The following PDZRN3 variants were observed in gnomAD, a reference collection of about 807,000 sequenced individuals.
The protein encoded by PDZRN3 is E3 ubiquitin-protein ligase PDZRN3.
A neutral mutation model predicts 85.7 loss-of-function variants in PDZRN3; 38 were observed. The observed-to-expected ratio is 0.44, with a 90% CI of 0.34 to 0.58. The LOEUF is 0.58. Ranked by LOEUF, PDZRN3 falls within the 20% of genes least tolerant of loss-of-function variation. The pLI, the probability that PDZRN3 is intolerant of heterozygous loss-of-function variation, is 0.01. For synonymous variants in PDZRN3, 759 were observed against 638.0 expected, an observed-to-expected ratio of 1.19 and a Z score of -2.86; for missense variants, 1,629 against 1,506.4, an observed-to-expected ratio of 1.08 and a Z score of -1.35.
chr3:73,584,483 GT>G (rs1702250184), intron 3 of PDZRN3, among the ~76,000 whole-genome samples: 1 of 143,568 alleles, frequency 7.0e-6, no homozygotes, highest in African/African-American at 2.7e-5. Flanking sequence ...GTGTGTGTGT[GT>G]GTGTGTGTGT....
intron 2 of PDZRN3, among the ~76,000 whole-genome samples, chr3:73,607,189 C>CATTG (rs1702614073): frequency 6.6e-6 from 1 of 152,212 alleles, no homozygotes. Flanking sequence ...TAACACAATG[C>CATTG]ATTGGAATGG....
intron 3 of PDZRN3, among the ~76,000 whole-genome samples, chr3:73,589,917 A>G (rs1702329389): frequency 6.6e-6 from 1 of 152,158 alleles, no homozygotes; most frequent in African/African-American, 2.4e-5. Flanking sequence ...AGTCATATAT[A>G]TTCATATATA....
intron 3 of PDZRN3, among the ~76,000 whole-genome samples, chr3:73,544,545 C>T (rs1462612083): frequency 1.3e-5 from 2 of 152,052 alleles, no homozygotes; most frequent in East Asian, 1.9e-4. Flanking sequence ...TTAACATATC[C>T]GTCACTTCAT....
intron 3 of PDZRN3, among the ~76,000 whole-genome samples, chr3:73,455,114 G>T (rs1702952648): frequency 6.6e-6 from 1 of 152,028 alleles, no homozygotes; most frequent in Admixed American, 6.5e-5. Context: ...TTATTATCAG[G>T]AAAAGAAGCT....
At chr3:73,547,407 C>T (rs1701450689) in intron 3 of PDZRN3, among the ~76,000 whole-genome samples, 1 of 152,180 alleles carries the variant, frequency 6.6e-6, no homozygotes, top group African/African-American at 2.4e-5. Flanking sequence ...CTGTCATGGT[C>T]CCAGTGAAAA....
intron 3 of PDZRN3, among the ~76,000 whole-genome samples, chr3:73,496,088 GA>G (rs530218813): frequency 2.1e-4 from 30 of 145,620 alleles, no homozygotes; most frequent in African/African-American, 3.0e-4. Context: ...ATATGCACTT[GA>G]AAAAAAAAAC....
chr3:73,412,887 G>C (rs189036668), intron 3 of PDZRN3, among the ~76,000 whole-genome samples: 85 of 152,328 alleles, frequency 5.6e-4, no homozygotes, highest in African/African-American at 2.0e-3. Flanking sequence ...CAGTAACACT[G>C]GGTGAGAGTG....
At chr3:73,584,271 G>A (rs979463118) in intron 3 of PDZRN3, among the ~76,000 whole-genome samples, 2 of 152,128 alleles carry the variant, frequency 1.3e-5, no homozygotes, top group Non-Finnish European at 1.5e-5. Context: ...TGGCACAGGG[G>A]TTAAGTTAGG....
chr3:73,530,989 G>A (rs1398205716), intron 3 of PDZRN3, among the ~76,000 whole-genome samples: 1 of 152,092 alleles, frequency 6.6e-6, no homozygotes, highest in Non-Finnish European at 1.5e-5. Flanking sequence ...GGTGGCTCAC[G>A]CCTGTAATCC....
chr3:73,491,246 G>A (rs974214083), intron 3 of PDZRN3, among the ~76,000 whole-genome samples: 3 of 152,150 alleles, frequency 2.0e-5, no homozygotes, highest in African/African-American at 4.8e-5. Context: ...CCCTACTTCA[G>A]GGAGTGTACT....
chr3:73,439,330 G>A (rs978462364), intron 3 of PDZRN3, among the ~76,000 whole-genome samples: 6 of 152,190 alleles, frequency 3.9e-5, no homozygotes, highest in Non-Finnish European at 5.9e-5. Context: ...AAAGAAGTTG[G>A]CTCTCACAAG....
At chr3:73,425,055 T>C (rs1184707068) in intron 3 of PDZRN3, among the ~76,000 whole-genome samples, 1 of 151,598 alleles carries the variant, frequency 6.6e-6, no homozygotes, top group Non-Finnish European at 1.5e-5. Flanking sequence ...CGCTCTGTTG[T>C]CCAGGTTGGA....
At chr3:73,495,532 G>A (rs998367419) in intron 3 of PDZRN3, among the ~76,000 whole-genome samples, 1 of 152,072 alleles carries the variant, frequency 6.6e-6, no homozygotes, top group East Asian at 1.9e-4. Context: ...TCTTATCCGT[G>A]CGCATATATT....
chr3:73,616,993 T>C (rs1165705460), intron 1 of PDZRN3, among the ~76,000 whole-genome samples: 2 of 152,194 alleles, frequency 1.3e-5, no homozygotes, highest in Non-Finnish European at 2.9e-5. Context: ...AGTCAGCCTG[T>C]GGACCCAACG....
chr3:73,587,938 A>G (rs144236244), intron 3 of PDZRN3, among the ~76,000 whole-genome samples: 2 of 152,198 alleles, frequency 1.3e-5, no homozygotes, highest in African/African-American at 2.4e-5. Flanking sequence ...GTTTGTTAAC[A>G]CTACTTGTTT....
Position 73,385,680 on chromosome 3 carries a change from C to T in PDZRN3, c.1624G>A (p.Val542Met), listed in dbSNP as rs563627189. The T allele has an allele frequency of 1.7e-5, 28 of 1,605,702 alleles. No homozygotes were observed. The highest frequency in any genetic ancestry group is 1.5e-4 in the South Asian group (14 of 90,930). The change falls in exon 9 of 10, where the codon GTG becomes ATG. Residue 542 changes from valine (V) to methionine (M), a missense_variant. Coordinates refer to ENST00000263666, the MANE Select transcript of PDZRN3 (RefSeq NM_015009.3). ...HHQAMQFTAS[V>M]LQQKKHDEDG... ...TGCGTGGGCGTTACCTGCTGCAGCA[C>T]GCTAGCTGTGAATTGCATGGCCTGG...
intron 5 of PDZRN3, among the ~76,000 whole-genome samples, chr3:73,398,192 C>T (rs1264679535): frequency 6.6e-6 from 1 of 152,196 alleles, no homozygotes; most frequent in Non-Finnish European, 1.5e-5. Context: ...CTTAGGAACA[C>T]AGTGTCACAT....
intron 3 of PDZRN3, among the ~76,000 whole-genome samples, chr3:73,547,577 A>C (rs1031224862): frequency 6.6e-6 from 1 of 152,238 alleles, no homozygotes; most frequent in African/African-American, 2.4e-5. Flanking sequence ...TGGCCCTATC[A>C]GCTCTCTGCT....
intron 3 of PDZRN3, among the ~76,000 whole-genome samples, chr3:73,415,662 C>A (rs1047008138): frequency 6.6e-6 from 1 of 152,032 alleles, no homozygotes; most frequent in Non-Finnish European, 1.5e-5. Flanking sequence ...TTTATTATTG[C>A]GTTTAATGAT....
Sources: gnomAD v4.1 joint callset for allele counts (sites outside exome capture counted in the v4.1 genomes callset) on GRCh38, gnomAD v4.1.1 for gene constraint, MANE v1.5 for transcripts, NCBI Gene and HGNC (gene_info 2026-07-23, HGNC 2026-07-21) for gene names.